ADAM20: variants seen among roughly 807,000 people sequenced by gnomAD.
ADAM20 encodes the protein disintegrin and metalloproteinase domain-containing protein 20.
For missense variants in ADAM20, 871 were observed against 883.2 expected, an observed-to-expected ratio of 0.99 and a Z score of 0.18; for synonymous variants, 305 against 310.2, an observed-to-expected ratio of 0.98 and a Z score of 0.18.
chr14:70,527,555 C>T (rs761680983), intron 1 of ADAM20, among the ~76,000 whole-genome samples: 4 of 152,090 alleles, frequency 2.6e-5, no homozygotes, highest in Non-Finnish European at 4.4e-5. Context: ...ACAATTATGC[C>T]CATAGTTCTT....
the ADAM20 span, among the ~76,000 whole-genome samples, chr14:70,579,187 T>A: frequency 2.0e-5 from 3 of 152,162 alleles, no homozygotes; most frequent in Admixed American, 1.3e-4. Flanking sequence ...GCTACTTTCC[T>A]TTGGTAGGAT....
At chr14:70,536,858 A>G (rs565578964), upstream of ADAM20, among the ~76,000 whole-genome samples, 65 of 150,896 alleles carry the variant, frequency 4.3e-4, no homozygotes, top group African/African-American at 1.6e-3. Flanking sequence ...CTTCTCCCCC[A>G]CACAGAAACA....
intron 1 of ADAM20, among the ~76,000 whole-genome samples, chr14:70,527,829 A>G (rs1299895649): frequency 6.6e-6 from 1 of 152,086 alleles, no homozygotes; most frequent in Admixed American, 6.6e-5. Context: ...CAGCCTCTTC[A>G]ACCCCATCTT....
chr14:70,556,607 A>G, the ADAM20 span: 33 of 152,390 alleles, frequency 2.2e-4, no homozygotes, highest in African/African-American at 7.7e-4. Flanking sequence ...TTGGCTTAAC[A>G]AAAGAGGAAA....
At chr14:70,553,304 TATA>T in the ADAM20 span, among the ~76,000 whole-genome samples, 2 of 23,958 alleles carry the variant, frequency 8.3e-5, no homozygotes, top group East Asian at 1.1e-3. Flanking sequence ...AAACTTAGAG[TATA>T]ATAAAAAAAA....
the ADAM20 span, among the ~76,000 whole-genome samples, chr14:70,541,590 T>C: frequency 5.3e-5 from 8 of 152,196 alleles, no homozygotes; most frequent in African/African-American, 1.9e-4. Context: ...TCTAAAAGGT[T>C]TTATTAAAAA....
At chr14:70,531,486 A>C (rs1343872336) in intron 1 of ADAM20, among the ~76,000 whole-genome samples, 1 of 152,138 alleles carries the variant, frequency 6.6e-6, no homozygotes, top group Admixed American at 6.5e-5. Flanking sequence ...CTTCTATAAA[A>C]CAGTATGGGA....
At position 70,523,364 on chromosome 14, in the gene ADAM20, C is replaced by T. The variant is rs766866681; in HGVS notation, c.1394G>A (p.Cys465Tyr). The change falls in exon 2 of 2, where the codon TGT becomes TAT. Residue 465 changes from cysteine to tyrosine, a missense_variant. Coordinates refer to ENST00000256389, the MANE Select transcript of ADAM20 (RefSeq NM_003814.5). Reference sequence around the variant, plus strand: ...GTCACATTCACCAACTTGTTGTCTACATAAAGTTCCTGATGGCAGAAATTT... The same window carrying T: ...GTCACATTCACCAACTTGTTGTCTATATAAAGTTCCTGATGGCAGAAATTT... ...DCKFLPSGTL[C>Y]RQQVGECDLP... 1 of 1,614,074 alleles carries T rather than the reference C, an allele frequency of 6.2e-7. No homozygotes were observed. The highest frequency in any genetic ancestry group is 8.5e-7 in the Non-Finnish European group (1 of 1,179,980).
chr14:70,545,500 G>C, the ADAM20 span, among the ~76,000 whole-genome samples: 1 of 151,206 alleles, frequency 6.6e-6, no homozygotes, highest in Admixed American at 6.6e-5. Context: ...AAGACACACA[G>C]AGACTAAAAA....
chr14:70,536,465 C>CAAAAAAAAAAAAAAAAAAAAAAAAAAAAA (rs56738784), upstream of ADAM20, among the ~76,000 whole-genome samples: 13 of 43,130 alleles, frequency 3.0e-4, no homozygotes, highest in South Asian at 1.1e-3. Context: ...AACTCTGTCT[C>CAAAAAAAAAAAAAAAAAAAAAAAAAAAAA]AAAAAAAAAA....
At chr14:70,545,910 T>C in the ADAM20 span, among the ~76,000 whole-genome samples, 1 of 152,312 alleles carries the variant, frequency 6.6e-6, no homozygotes, top group South Asian at 2.1e-4. Flanking sequence ...CTACAGAATA[T>C]ACCTTCTTTG....
At chr14:70,529,612 GGTAA>G (rs747363122) in intron 1 of ADAM20, among the ~76,000 whole-genome samples, 6 of 152,110 alleles carry the variant, frequency 3.9e-5, no homozygotes, top group South Asian at 2.1e-4. Flanking sequence ...GGAATACAAT[GGTAA>G]GTATTTGTGT....
At position 70,524,282 on chromosome 14, in the gene ADAM20, T is replaced by C. The variant is rs373019898; in HGVS notation, c.476A>G (p.Tyr159Cys). The part of the protein sequence containing the change: ...SVSATFEHLV[Y>C]KIDSDDTQFP... ...CTGTGTATCATCACTGTCTATCTTATATACTAGGTGTTCAAATGTGGCAGA... is the reference window on the plus strand; with the variant it reads ...CTGTGTATCATCACTGTCTATCTTACATACTAGGTGTTCAAATGTGGCAGA... The change falls in exon 2 of 2, where the codon TAT becomes TGT. Residue 159 changes from tyrosine to cysteine, a missense_variant. Transcript: ENST00000256389. 13 of 1,613,946 alleles carry C rather than the reference T, an allele frequency of 8.1e-6. No individual in the cohort carries two copies. The highest frequency in any genetic ancestry group is 3.3e-4 in the Middle Eastern group (2 of 6,084).
chr14:70,558,693 T>TA, the ADAM20 span, among the ~76,000 whole-genome samples: 1 of 152,008 alleles, frequency 6.6e-6, no homozygotes, highest in Admixed American at 6.6e-5. Flanking sequence ...TAAAAATAAA[T>TA]AAAATATACA....
At chr14:70,558,801 G>A in the ADAM20 span, among the ~76,000 whole-genome samples, 5 of 152,158 alleles carry the variant, frequency 3.3e-5, no homozygotes, top group Non-Finnish European at 7.3e-5. Context: ...ATTTGACAGA[G>A]TTGATGACTT....
chr14:70,523,277 C>T lies in ADAM20; in HGVS notation c.1481G>A (p.Gly494Glu). 6.2e-7 allele frequency: 1 copy of T among 1,613,960 alleles called. No individual in the cohort carries two copies. Among genetic ancestry groups the T allele is most frequent in the Non-Finnish European group, 8.5e-7 (1 of 1,179,914 alleles). The part of the protein sequence containing the change: ...QCPDDVYVQD[G>E]ISCNVNAFCY... ...GAAGGCATTCACATTACAGGAGATC[C>T]CGTCCTGCACATACACATCATCTGG... The change falls in exon 2 of 2, where the codon GGG (glycine) becomes GAG (glutamate). Residue 494 changes from glycine (G) to glutamate (E), a missense_variant. Gly to Glu is a moderately conservative substitution (Grantham distance 98). Coordinates refer to ENST00000256389, the MANE Select transcript of ADAM20 (RefSeq NM_003814.5).
rs758952730 is a variant in ADAM20 at position 70,523,768 on chromosome 14, G to A, written c.990C>T (p.Asp330=). 49 of 1,613,892 alleles carry A rather than the reference G, an allele frequency of 3.0e-5. No individual in the cohort carries two copies. In the South Asian group the frequency reaches 4.8e-4, roughly 16 times the overall value. Residue 330 remains aspartate, a synonymous_variant, in exon 2 of 2, where the codon GAC becomes GAT. Transcript: ENST00000256389. ...TAATTGCAAAAACGACCAACCTGTTGTCTTCAAAAACATCAACTCCAGTAT... is the reference window on the plus strand; with the variant it reads ...TAATTGCAAAAACGACCAACCTGTTATCTTCAAAAACATCAACTCCAGTAT... ...PFNTGVDVFE[D]NRLVVFAITL... is the part of the protein sequence containing the mutation.
the ADAM20 span, among the ~76,000 whole-genome samples, chr14:70,574,273 G>A: frequency 1.1e-4 from 16 of 152,122 alleles, no homozygotes; most frequent in Admixed American, 1.0e-3. Flanking sequence ...TGAGACAAAT[G>A]AAAACACGAC....
In ADAM20 at chr14:70,524,690, A is replaced by G; in HGVS notation, c.68T>C (p.Leu23Ser). 1 of 1,614,012 alleles carries G rather than the reference A, an allele frequency of 6.2e-7. No homozygotes were observed. Among genetic ancestry groups the G allele is most frequent in the Non-Finnish European group, 8.5e-7 (1 of 1,179,932 alleles). ...TLLLLWFGMF[L>S]SISGHSQARP... is the part of the protein sequence containing the mutation. ...GGCCTGAGAGTGGCCAGAAATAGACAAAAACATCCCAAACCAGAGCAGCAG... is the reference window on the plus strand; with the variant it reads ...GGCCTGAGAGTGGCCAGAAATAGACGAAAACATCCCAAACCAGAGCAGCAG... Residue 23 changes from leucine to serine, a missense_variant, in exon 2 of 2, where the codon TTG (leucine) becomes TCG (serine). Transcript: ENST00000256389.
Sources: gnomAD v4.1 joint callset for allele counts (sites outside exome capture counted in the v4.1 genomes callset) on GRCh38, gnomAD v4.1.1 for gene constraint, MANE v1.5 for transcripts, NCBI Gene and HGNC (gene_info 2026-07-23, HGNC 2026-07-21) for gene names.